Variants in ZNF597 observed in about 807,000 individuals in gnomAD.
ZNF597 encodes zinc finger protein 597.
ZNF597 carries 5 observed loss-of-function variants against 7.3 expected under a neutral mutation model. That is an observed-to-expected ratio of 0.68 (90% CI 0.36 to 1.44). The LOEUF (loss-of-function observed/expected upper bound fraction) is 1.44, where lower values mean the gene tolerates loss of function less well. Among genes scored for constraint, ZNF597 ranks in the 40% most tolerant of loss-of-function variants. ZNF597 has a pLI of 0.04. For synonymous variants in ZNF597, 209 were observed against 185.4 expected (o/e 1.13, Z -1.04); for missense variants, 585 against 517.9 (o/e 1.13, Z -1.26).
chr16:3,437,120 G>A lies in ZNF597; in HGVS notation c.579C>T (p.Phe193=), dbSNP rs764838242. 2.2e-5 allele frequency: 36 copies of A among 1,614,028 alleles called. No homozygotes were observed. The highest frequency in any genetic ancestry group is 3.0e-5 in the Non-Finnish European group (35 of 1,180,040). ...GTGTCCTCAGGTTGGCTCTATGATT[G>A]AAGATCTTTCCACAGTCACCACATT... ...KHKCGDCGKI[F]NHRANLRTHR... Residue 193 remains phenylalanine, a synonymous_variant, in exon 4 of 4, where the codon TTC becomes TTT. Coordinates refer to ENST00000301744, the MANE Select transcript of ZNF597 (RefSeq NM_152457.3).
Position 3,437,249 on chromosome 16 carries a change from T to G in ZNF597, c.450A>C (p.Glu150Asp). 1 of 1,614,242 alleles carries G rather than the reference T, an allele frequency of 6.2e-7. No individual in the cohort carries two copies. Among genetic ancestry groups the G allele is most frequent in the Non-Finnish European group, 8.5e-7 (1 of 1,180,042 alleles). Residue 150 changes from glutamate (E) to aspartate (D), a missense_variant, in exon 4 of 4, where the codon GAA (glutamate) becomes GAC (aspartate). Glu to Asp is a conservative substitution (Grantham distance 45). Transcript: ENST00000301744. ...TLSEILDSPW[E>D]GAKNVYKCPE... ...GACATTTGTACACATTTTTGGCTCC[T>G]TCCCAGGGAGAATCAAGAATTTCAG...
chr16:3,436,274 T>G lies in ZNF597; in HGVS notation c.*150A>C. ...CCTACTTATAAAATGGAAATGATAC[T>G]GCCTAAATCACGGTTGTGCTGAGAA... is the stretch of plus-strand genomic sequence containing the variant. On this transcript the variant is annotated 3_prime_UTR_variant, in exon 4 of 4. Transcript: ENST00000301744. 1 of 762,976 alleles carries G rather than the reference T, an allele frequency of 1.3e-6. No homozygotes were observed. The highest frequency in any genetic ancestry group is 2.0e-6 in the Non-Finnish European group (1 of 488,152). 47.3% of individuals were successfully genotyped at this position (762,976 alleles called of 1,614,324 possible).
At position 3,435,720 on chromosome 16, in the gene ZNF597, TCTC is replaced by T. The variant is rs1178513767; in HGVS notation, c.*701_*703del. 1 of 152,056 alleles carries T rather than the reference TCTC, an allele frequency of 6.6e-6. No individual in the cohort carries two copies. The highest frequency in any genetic ancestry group is 2.4e-5 in the African/African-American group (1 of 41,394). 9.4% of individuals were successfully genotyped at this position (152,056 alleles called of 1,614,324 possible). On this transcript the variant is annotated 3_prime_UTR_variant, in exon 4 of 4. Transcript: ENST00000301744. Reference sequence around the variant, plus strand: ...CAAATCTTAGAAAAGAGCAAGTACTTCTCCCCCTCCCCAAGTCAAGTCCAGCCT... The same window carrying T: ...CAAATCTTAGAAAAGAGCAAGTACTTCCCCTCCCCAAGTCAAGTCCAGCCT...
chr16:3,439,955 G>A (rs1041593606), intron 3 of ZNF597, among the ~76,000 whole-genome samples: 9 of 152,144 alleles, frequency 5.9e-5, no homozygotes, highest in African/African-American at 2.2e-4. Context: ...ATGATGAAGA[G>A]AGAAGTGGAA....
At position 3,440,819 on chromosome 16, in the gene ZNF597, C is replaced by T; in HGVS notation, c.148G>A (p.Ala50Thr). Residue 50 changes from alanine to threonine, a missense_variant, in exon 3 of 4, where the codon GCG (alanine) becomes ACG (threonine). Ala to Thr is a moderately conservative substitution (Grantham distance 58). Coordinates refer to ENST00000301744, the MANE Select transcript of ZNF597 (RefSeq NM_152457.3). Reference sequence around the variant, plus strand: ...ACAATTGCCTTACCCATCAAAGCCGCATCCTCCAAAGACTCTTTTGTACCA... The same window carrying T: ...ACAATTGCCTTACCCATCAAAGCCGTATCCTCCAAAGACTCTTTTGTACCA... The part of the protein sequence containing the change: ...KDGTKESLED[A>T]ALMGEEGKPE... The T allele has an allele frequency of 6.2e-7, 1 of 1,613,896 alleles. No individual in the cohort carries two copies.
At position 3,436,914 on chromosome 16, in the gene ZNF597, T is replaced by G. The variant is rs1309009955; in HGVS notation, c.785A>C (p.His262Pro). Residue 262 changes from histidine to proline, a missense_variant, in exon 4 of 4, where the codon CAC becomes CCC. By Grantham distance (77) the His-to-Pro change is moderately conservative (BLOSUM62 -2). Transcript: ENST00000301744. Reference protein sequence around the residue: ...LPGLAQHQKSHSAENTYESTN... With the variant: ...LPGLAQHQKSPSAENTYESTN... ...AGATTCGTAGGTGTTTTCAGCACTG[T>G]GGCTTTTCTGATGCTGTGCCAATCC... 3.1e-6 allele frequency: 5 copies of G among 1,614,200 alleles called. No individual in the cohort carries two copies. The highest frequency in any genetic ancestry group is 4.2e-6 in the Non-Finnish European group (5 of 1,180,036).
chr16:3,441,470 T>C (rs564964986), intron 2 of ZNF597, among the ~76,000 whole-genome samples: 16 of 152,300 alleles, frequency 1.1e-4, no homozygotes, highest in Non-Finnish European at 1.8e-4. Flanking sequence ...GTGGATCACC[T>C]GAGGTCAGGA....
rs1316393927 is a variant in ZNF597 at position 3,433,805 on chromosome 16, G to A, written c.*2619C>T. On this transcript the variant is annotated 3_prime_UTR_variant, in exon 4 of 4. Transcript: ENST00000301744. ...CAACTGAAAATATGCCTCTTTCACAGTAACTGACACTTCCGGGGTTTTCAT... is the reference window on the plus strand; with the variant it reads ...CAACTGAAAATATGCCTCTTTCACAATAACTGACACTTCCGGGGTTTTCAT... The A allele has an allele frequency of 6.6e-6, 1 of 152,164 alleles. No individual in the cohort carries two copies. Among genetic ancestry groups the A allele is most frequent in the African/African-American group, 2.4e-5 (1 of 41,426 alleles). The allele number at this position is 152,164 out of a possible 1,614,324, so 9.4% of individuals were successfully genotyped here. A position where few individuals can be genotyped will look rare whatever the true frequency, so the allele number is the denominator to read the frequency against.
intron 2 of ZNF597, among the ~76,000 whole-genome samples, chr16:3,441,547 G>A (rs1159030197): frequency 2.0e-5 from 3 of 152,182 alleles, no homozygotes; most frequent in Non-Finnish European, 4.4e-5. Flanking sequence ...TTAGCCAGGT[G>A]TGGTGGCGCA....
In ZNF597 at chr16:3,435,154, T is replaced by A. The variant is rs567212241; in HGVS notation, c.*1270A>T. 43 of 152,322 alleles carry A rather than the reference T, an allele frequency of 2.8e-4. No homozygotes were observed. The highest frequency in any genetic ancestry group is 5.7e-4 in the Non-Finnish European group (39 of 68,026). The allele number at this position is 152,322 out of a possible 1,614,324, so 9.4% of individuals were successfully genotyped here. On this transcript the variant is annotated 3_prime_UTR_variant, in exon 4 of 4. Transcript: ENST00000301744. Reference sequence around the variant, plus strand: ...TGTTTTTTAAAAAACCAAAACCCAGTTAAGACCTTCAGTATTGTACTCTGC... The same window carrying A: ...TGTTTTTTAAAAAACCAAAACCCAGATAAGACCTTCAGTATTGTACTCTGC...
At position 3,443,078 on chromosome 16, in the gene ZNF597, G is replaced by C. The variant is rs371067138; in HGVS notation, c.33+43C>G. 5.0e-6 allele frequency: 8 copies of C among 1,613,570 alleles called. No homozygotes were observed. The African/African-American group carries it at 9.3e-5, about 19-fold the overall frequency. ...CAAAGGAGGGGGTCAGGCAGAGACC[G>C]AAAGCAGCAATAAACTTGGACGAAA... On this transcript the variant is annotated intron_variant, in intron 2 of 3. Coordinates refer to ENST00000301744, the MANE Select transcript of ZNF597 (RefSeq NM_152457.3).
At chr16:3,440,342 AGAG>A (rs748284505) in intron 3 of ZNF597, among the ~76,000 whole-genome samples, 3 of 152,242 alleles carry the variant, frequency 2.0e-5, no homozygotes, top group Non-Finnish European at 4.4e-5. Flanking sequence ...TTTGTCTTTA[AGAG>A]ATCATCTCGG....
chr16:3,442,864 C>T (rs2034410288), intron 2 of ZNF597, among the ~76,000 whole-genome samples: 1 of 152,116 alleles, frequency 6.6e-6, no homozygotes, highest in African/African-American at 2.4e-5. Flanking sequence ...CAAAACAAAA[C>T]AAACAGATAA....
chr16:3,439,687 C>G (rs1438598285), intron 3 of ZNF597, among the ~76,000 whole-genome samples: 1 of 151,508 alleles, frequency 6.6e-6, no homozygotes, highest in African/African-American at 2.4e-5. Flanking sequence ...CTGCCTCCCA[C>G]AACAAAGTCC....
At position 3,433,856 on chromosome 16, in the gene ZNF597, A is replaced by G. The variant is rs1470392541; in HGVS notation, c.*2568T>C. 6.6e-6 allele frequency: 1 copy of G among 152,344 alleles called. No individual in the cohort carries two copies. The highest frequency in any genetic ancestry group is 1.9e-4 in the East Asian group (1 of 5,188). 9.4% of individuals were successfully genotyped at this position (152,344 alleles called of 1,614,324 possible). A position where few individuals can be genotyped will look rare whatever the true frequency, so the allele number is the denominator to read the frequency against. On this transcript the variant is annotated 3_prime_UTR_variant, in exon 4 of 4. Coordinates refer to ENST00000301744, the MANE Select transcript of ZNF597 (RefSeq NM_152457.3). ...TTTTTTCTGCATACTAATCATTAAC[A>G]GTATTATACCAAAAAGCCATTTTAG...
intron 3 of ZNF597, among the ~76,000 whole-genome samples, chr16:3,439,052 G>C (rs542372694): frequency 6.6e-6 from 1 of 152,268 alleles, no homozygotes; most frequent in East Asian, 1.9e-4. Flanking sequence ...TGTTCAGAAA[G>C]AGAGCTCAGG....
Position 3,436,655 on chromosome 16 carries a change from C to A in ZNF597, c.1044G>T (p.Met348Ile). The A allele has an allele frequency of 6.2e-7, 1 of 1,611,208 alleles. No individual in the cohort carries two copies. Among genetic ancestry groups the A allele is most frequent in the South Asian group, 1.1e-5 (1 of 90,740 alleles). ...FKPLQCPDCD[M>I]TFPCFSELIS... is the part of the protein sequence containing the mutation. ...TAAGCTCAGAGAAACAAGGAAAGGT[C>A]ATGTCACAGTCAGGACACTGTAAGG... is the stretch of plus-strand genomic sequence containing the variant. Residue 348 changes from methionine to isoleucine, a missense_variant, in exon 4 of 4, where the codon ATG becomes ATT. Met to Ile is a conservative substitution (Grantham distance 10). Coordinates refer to ENST00000301744, the MANE Select transcript of ZNF597 (RefSeq NM_152457.3).
Position 3,434,860 on chromosome 16 carries a change from A to G in ZNF597, c.*1564T>C, listed in dbSNP as rs992793986. ...ATACTGTCTATTTAAATAGAATGAG[A>G]GCATTCTTCCATCCTAATCAAAACC... On this transcript the variant is annotated 3_prime_UTR_variant, in exon 4 of 4. Coordinates refer to ENST00000301744, the MANE Select transcript of ZNF597 (RefSeq NM_152457.3). 6.6e-6 allele frequency: 1 copy of G among 152,206 alleles called. No individual in the cohort carries two copies. Among genetic ancestry groups the G allele is most frequent in the African/African-American group, 2.4e-5 (1 of 41,456 alleles). The allele number at this position is 152,206 out of a possible 1,614,324, so 9.4% of individuals were successfully genotyped here.
At position 3,437,022 on chromosome 16, in the gene ZNF597, T is replaced by C. The variant is rs913557831; in HGVS notation, c.677A>G (p.His226Arg). The C allele has an allele frequency of 1.7e-5, 27 of 1,614,114 alleles. No individual in the cohort carries two copies. In the African/African-American group the frequency reaches 2.7e-4, roughly 16 times the overall value. The change falls in exon 4 of 4, where the codon CAT (histidine) becomes CGT (arginine). Residue 226 changes from histidine to arginine, a missense_variant. His to Arg is a conservative substitution (Grantham distance 29). Coordinates refer to ENST00000301744, the MANE Select transcript of ZNF597 (RefSeq NM_152457.3). ...KCSASFRQHS[H>R]LSRHMNSHVK... ...GTGGCTATTCATGTGTCGGGATAGA[T>C]GAGAGTGCTGGCGAAAGCTGGCACT... is the stretch of plus-strand genomic sequence containing the variant.
Sources: gnomAD v4.1 joint callset for allele counts (sites outside exome capture counted in the v4.1 genomes callset) on GRCh38, gnomAD v4.1.1 for gene constraint, MANE v1.5 for transcripts, NCBI Gene and HGNC (gene_info 2026-07-23, HGNC 2026-07-21) for gene names.